LRMDA: variants seen among roughly 807,000 people sequenced by gnomAD.
The protein encoded by LRMDA is leucine rich melanocyte differentiation associated.
A neutral mutation model predicts 29.8 loss-of-function variants in LRMDA; 18 were observed. That is an observed-to-expected ratio of 0.60 (90% confidence interval 0.42 to 0.90). The LOEUF is 0.90. LRMDA is among the 40% of genes least tolerant of loss of function. The pLI is 0.00. For synonymous variants in LRMDA, 125 were observed against 109.4 expected, an observed-to-expected ratio of 1.14 and a Z score of -0.89; for missense variants, 273 against 273.9, an observed-to-expected ratio of 1.00 and a Z score of 0.02.
At chr10:76,138,516 C>T (rs1330266282) in intron 5 of LRMDA, among the ~76,000 whole-genome samples, 1 of 152,196 alleles carries the variant, frequency 6.6e-6, no homozygotes. Flanking sequence ...CAAGCGAGAA[C>T]AAATGGTGAC....
intron 2 of LRMDA, among the ~76,000 whole-genome samples, chr10:75,874,775 C>T (rs1048253512): frequency 1.3e-5 from 2 of 152,136 alleles, no homozygotes; most frequent in East Asian, 3.8e-4. Context: ...ATATACATCT[C>T]CCAAATATAT....
At chr10:75,660,477 C>T (rs190346757) in intron 2 of LRMDA, among the ~76,000 whole-genome samples, 34 of 152,272 alleles carry the variant, frequency 2.2e-4, no homozygotes, top group Admixed American at 1.9e-3. Context: ...CTCTGTTCTG[C>T]CCATCACAGG....
chr10:75,494,535 T>G (rs1845023784), intron 2 of LRMDA, among the ~76,000 whole-genome samples: 1 of 149,896 alleles, frequency 6.7e-6, no homozygotes, highest in South Asian at 2.1e-4. Context: ...TTTTTTTTTT[T>G]TTGTTGCCCA....
intron 5 of LRMDA, among the ~76,000 whole-genome samples, chr10:76,238,802 T>G (rs2132281660): frequency 6.6e-6 from 1 of 152,282 alleles, no homozygotes; most frequent in Non-Finnish European, 1.5e-5. Context: ...TGTTTCTTTT[T>G]TTTTTTAATT....
At chr10:76,210,444 A>T (rs1238884200) in intron 5 of LRMDA, among the ~76,000 whole-genome samples, 1 of 152,230 alleles carries the variant, frequency 6.6e-6, no homozygotes. Context: ...GGGTGGGTCC[A>T]AGTCTGACTC....
intron 2 of LRMDA, among the ~76,000 whole-genome samples, chr10:75,985,540 C>A (rs1301004359): frequency 1.3e-5 from 2 of 152,192 alleles, no homozygotes; most frequent in Non-Finnish European, 2.9e-5. Context: ...TTCTCATCAA[C>A]CTCAGTCAAA....
At chr10:75,762,286 C>T (rs1843106990) in intron 2 of LRMDA, among the ~76,000 whole-genome samples, 1 of 152,232 alleles carries the variant, frequency 6.6e-6, no homozygotes, top group Admixed American at 6.5e-5. Context: ...CCATGGGTCA[C>T]ATGTGGCCCA....
intron 2 of LRMDA, among the ~76,000 whole-genome samples, chr10:75,563,730 G>T (rs1303362011): frequency 6.6e-6 from 1 of 152,074 alleles, no homozygotes; most frequent in Non-Finnish European, 1.5e-5. Context: ...CTTTCTGTTT[G>T]TTAGTTTTCC....
chr10:75,568,687 G>T (rs953184594), intron 2 of LRMDA, among the ~76,000 whole-genome samples: 14 of 152,130 alleles, frequency 9.2e-5, no homozygotes, highest in African/African-American at 3.1e-4. Flanking sequence ...TAAAATTTAG[G>T]GTCAGGCATC....
At chr10:76,520,262 A>G (rs1589223329) in intron 6 of LRMDA, among the ~76,000 whole-genome samples, 1 of 146,946 alleles carries the variant, frequency 6.8e-6, no homozygotes, top group Admixed American at 6.7e-5. Flanking sequence ...CTAATCTTTC[A>G]GTTTTTTTTT....
At position 75,514,867 on chromosome 10, in the gene LRMDA, C is replaced by G. The variant is rs533585461; in HGVS notation, c.131+76373C>G. On this transcript the variant is annotated intron_variant, in intron 2 of 6. Transcript: ENST00000611255. Reference sequence around the variant, plus strand: ...ACCTGAGTGTTCCTTTATAACAATACAAACAGACTAAGACAGGGTCAGAGG... The same window carrying G: ...ACCTGAGTGTTCCTTTATAACAATAGAAACAGACTAAGACAGGGTCAGAGG... Among the ~76,000 whole-genome samples, 158 of 152,018 alleles carry G rather than the reference C, an allele frequency of 1.0e-3. 6 individuals are homozygous for G. In the South Asian group the frequency reaches 0.032, roughly 30 times the overall value.
intron 2 of LRMDA, among the ~76,000 whole-genome samples, chr10:75,679,095 G>A (rs1589155218): frequency 6.6e-6 from 1 of 152,150 alleles, no homozygotes; most frequent in East Asian, 1.9e-4. Flanking sequence ...TCCTTCTGAA[G>A]CAATCTGTTC....
intron 5 of LRMDA, among the ~76,000 whole-genome samples, chr10:76,093,525 C>G (rs114551350): frequency 2.0e-3 from 297 of 152,222 alleles, no homozygotes; most frequent in African/African-American, 7.0e-3. Context: ...GAAAGAAAAT[C>G]AAGCCTTGTC....
chr10:75,783,523 G>A (rs1029209470), intron 2 of LRMDA, among the ~76,000 whole-genome samples: 7 of 151,810 alleles, frequency 4.6e-5, no homozygotes, highest in Non-Finnish European at 1.0e-4. Context: ...ATGGTTTCTG[G>A]TTTTATAGGA....
At chr10:75,858,390 C>T (rs1412883331) in intron 2 of LRMDA, among the ~76,000 whole-genome samples, 1 of 152,166 alleles carries the variant, frequency 6.6e-6, no homozygotes, top group Non-Finnish European at 1.5e-5. Flanking sequence ...TCTCTTCTTC[C>T]CCCTCTCCAC....
intron 2 of LRMDA, among the ~76,000 whole-genome samples, chr10:75,509,982 G>T (rs1209842744): frequency 3.3e-5 from 5 of 152,202 alleles, no homozygotes; most frequent in Non-Finnish European, 1.5e-5. Context: ...AGACAGGGTT[G>T]CCCTGAGTTC....
intron 2 of LRMDA, among the ~76,000 whole-genome samples, chr10:75,803,115 G>A (rs754719819): frequency 2.6e-5 from 4 of 152,128 alleles, no homozygotes; most frequent in South Asian, 2.1e-4. Context: ...CCTCCTGGTA[G>A]CCTTCAGTTT....
chr10:76,523,049 C>T (rs1843137524), intron 6 of LRMDA, among the ~76,000 whole-genome samples: 1 of 151,966 alleles, frequency 6.6e-6, no homozygotes, highest in African/African-American at 2.4e-5. Flanking sequence ...CTGGCTTTCA[C>T]ATGTCCTGCA....
intron 5 of LRMDA, among the ~76,000 whole-genome samples, chr10:76,166,616 A>T (rs1251726878): frequency 6.6e-6 from 1 of 152,212 alleles, no homozygotes; most frequent in Non-Finnish European, 1.5e-5. Flanking sequence ...AATGGCCTCC[A>T]GCTTCATCCA....
Sources: gnomAD v4.1 joint callset for allele counts (sites outside exome capture counted in the v4.1 genomes callset) on GRCh38, gnomAD v4.1.1 for gene constraint, MANE v1.5 for transcripts, NCBI Gene and HGNC (gene_info 2026-07-23, HGNC 2026-07-21) for gene names.